Variants in SEMA3A observed in about 807,000 individuals in gnomAD.
SEMA3A encodes the protein semaphorin-3A.
Under a neutral mutation model 97.9 loss-of-function variants are expected in SEMA3A, and 29 were observed. The observed-to-expected ratio is 0.30, with a 90% CI of 0.22 to 0.40. The LOEUF is 0.40. Among genes scored for constraint, SEMA3A ranks in the 10% least tolerant of loss-of-function variants. The pLI, the probability that SEMA3A is intolerant of heterozygous loss-of-function variation, is 1.00. For missense variants in SEMA3A, 763 were observed against 951.3 expected, an observed-to-expected ratio of 0.80 and a Z score of 2.60; for synonymous variants, 321 against 323.7, an observed-to-expected ratio of 0.99 and a Z score of 0.09.
rs1229763196 is a variant in SEMA3A, at chr7:83,977,243, C to T, written c.1653-47G>A. The T allele has an allele frequency of 7.9e-6, 9 of 1,137,946 alleles. 1 individual carries two copies. The Admixed American group carries it at 2.0e-4, about 25-fold the overall frequency. 70.5% of individuals were successfully genotyped at this position (1,137,946 alleles called of 1,614,324 possible). A position where few individuals can be genotyped will look rare whatever the true frequency, so the allele number is the denominator to read the frequency against. On this transcript the variant is annotated intron_variant, in intron 14 of 16. Transcript: ENST00000265362. ...GGTGTTATTGTATCCTTATTTTTCC[C>T]TTCTAGGAATTTGTCATAAGAATGA...
intron 14 of SEMA3A, among the ~76,000 whole-genome samples, chr7:83,978,214 C>T (rs1789247234): frequency 6.6e-6 from 1 of 152,096 alleles, no homozygotes; most frequent in South Asian, 2.1e-4. Context: ...AACTTAAGGG[C>T]AAGGCCTCCT....
chr7:84,050,978 A>G (rs988838540), intron 5 of SEMA3A, among the ~76,000 whole-genome samples: 14 of 151,640 alleles, frequency 9.2e-5, no homozygotes, highest in African/African-American at 2.9e-4. Flanking sequence ...TCCTTTCCCC[A>G]TTGCTTGTTT....
At chr7:84,045,539 G>T (rs1253291477) in intron 6 of SEMA3A, among the ~76,000 whole-genome samples, 1 of 151,586 alleles carries the variant, frequency 6.6e-6, no homozygotes, top group East Asian at 1.9e-4. Context: ...CTAGGTAGAA[G>T]GATATAAAAG....
At chr7:84,348,034 G>A (rs2116012662) in intron 2 of SEMA3A, among the ~76,000 whole-genome samples, 1 of 152,200 alleles carries the variant, frequency 6.6e-6, no homozygotes, top group Non-Finnish European at 1.5e-5. Context: ...GTAGAAGTGG[G>A]TGTGTGGGGG....
chr7:84,401,174 T>C (rs1375618403), intron 1 of SEMA3A, among the ~76,000 whole-genome samples: 2 of 152,148 alleles, frequency 1.3e-5, no homozygotes, highest in Non-Finnish European at 2.9e-5. Context: ...GATTGCGTGT[T>C]ACAAAATCAA....
At chr7:84,053,633 T>C (rs1229933497) in intron 5 of SEMA3A, among the ~76,000 whole-genome samples, 2 of 149,470 alleles carry the variant, frequency 1.3e-5, no homozygotes, top group East Asian at 2.0e-4. Context: ...GTTTCCTGAA[T>C]ACAGCACACT....
At chr7:84,315,154 A>T (rs1256792120) in intron 2 of SEMA3A, among the ~76,000 whole-genome samples, 1 of 151,778 alleles carries the variant, frequency 6.6e-6, no homozygotes, top group Non-Finnish European at 1.5e-5. Flanking sequence ...TGTATCAAGT[A>T]GAAATTTAAA....
intron 1 of SEMA3A, among the ~76,000 whole-genome samples, chr7:84,425,483 A>C (rs977126265): frequency 7.0e-6 from 1 of 141,996 alleles, no homozygotes; most frequent in African/African-American, 2.6e-5. Flanking sequence ...ATTTATATAA[A>C]AATATAATTA....
At chr7:84,263,177 T>C (rs572309858) in intron 3 of SEMA3A, among the ~76,000 whole-genome samples, 2 of 152,152 alleles carry the variant, frequency 1.3e-5, no homozygotes, top group African/African-American at 4.8e-5. Context: ...ATTTTTTAAA[T>C]GTATCCCCAA....
chr7:84,414,667 T>G (rs189519910), intron 1 of SEMA3A, among the ~76,000 whole-genome samples: 1 of 151,988 alleles, frequency 6.6e-6, no homozygotes, highest in Non-Finnish European at 1.5e-5. Context: ...AACACTCAGA[T>G]GGTGGGACAT....
intron 15 of SEMA3A, among the ~76,000 whole-genome samples, chr7:83,965,569 C>T (rs1347007738): frequency 1.5e-5 from 2 of 130,506 alleles, no homozygotes; most frequent in Middle Eastern, 5.2e-3. Flanking sequence ...AGAGGAGTCA[C>T]GTAACTAGTA....
intron 1 of SEMA3A, among the ~76,000 whole-genome samples, chr7:84,179,781 T>C (rs1456885993): frequency 6.6e-6 from 1 of 151,776 alleles, no homozygotes; most frequent in Non-Finnish European, 1.5e-5. Context: ...AAGAGAACAA[T>C]AAGTATAGAA....
intron 1 of SEMA3A, among the ~76,000 whole-genome samples, chr7:84,438,325 A>C (rs951213490): frequency 6.6e-6 from 1 of 152,120 alleles, no homozygotes; most frequent in Non-Finnish European, 1.5e-5. Context: ...CCAGAGGAAG[A>C]TGGCCCTATG....
chr7:84,363,007 T>C (rs1802763166), intron 2 of SEMA3A, among the ~76,000 whole-genome samples: 1 of 151,812 alleles, frequency 6.6e-6, no homozygotes, highest in Non-Finnish European at 1.5e-5. Flanking sequence ...TATGGGAGTA[T>C]ATTACTGTAC....
intron 1 of SEMA3A, among the ~76,000 whole-genome samples, chr7:84,456,740 T>C (rs1454144726): frequency 6.6e-6 from 1 of 151,832 alleles, no homozygotes; most frequent in East Asian, 1.9e-4. Context: ...TGGCTTTATT[T>C]ACGTTTAATA....
At chr7:84,385,373 T>G (rs1054245934) in intron 1 of SEMA3A, among the ~76,000 whole-genome samples, 4 of 152,212 alleles carry the variant, frequency 2.6e-5, no homozygotes, top group African/African-American at 7.2e-5. Flanking sequence ...AACTGGGTTT[T>G]GGGGAATGTC....
At chr7:84,293,319 A>G (rs1466221730) in intron 3 of SEMA3A, among the ~76,000 whole-genome samples, 2 of 151,996 alleles carry the variant, frequency 1.3e-5, no homozygotes, top group East Asian at 3.9e-4. Flanking sequence ...ATAGCTTCTC[A>G]ATGGAGTTGG....
intron 1 of SEMA3A, among the ~76,000 whole-genome samples, chr7:84,153,588 A>G (rs549892425): frequency 3.9e-5 from 6 of 152,142 alleles, no homozygotes; most frequent in Admixed American, 3.3e-4. Flanking sequence ...TTAGCCTTAC[A>G]CTATTTTATG....
At chr7:84,308,848 A>C (rs1801235629) in intron 2 of SEMA3A, among the ~76,000 whole-genome samples, 1 of 139,052 alleles carries the variant, frequency 7.2e-6, no homozygotes, top group African/African-American at 2.7e-5. Flanking sequence ...ATGGAGTTTC[A>C]CCCTTGTCAC....
Sources: allele counts gnomAD v4.1 joint callset (sites outside exome capture counted in the v4.1 genomes callset), GRCh38; gene constraint gnomAD v4.1.1; transcripts MANE v1.5; gene names NCBI Gene and HGNC (gene_info 2026-07-23, HGNC 2026-07-21).